Variants in COL1A2 observed in about 807,000 individuals in gnomAD.
The protein encoded by COL1A2 is collagen type I alpha 2 chain, also known as collagen alpha-2(I) chain.
In COL1A2, 49 loss-of-function variants were observed where a neutral mutation model predicts 174.3. That is an observed-to-expected ratio of 0.28 (90% CI 0.22 to 0.36). The LOEUF is 0.36. Ranked by LOEUF, COL1A2 falls within the 10% of genes least tolerant of loss-of-function variation. COL1A2 has a pLI of 1.00. For synonymous variants in COL1A2, 655 were observed against 606.6 expected (o/e 1.08, Z -1.17); for missense variants, 1,438 against 1,822.7 (o/e 0.79, Z 3.84).
intron 1 of COL1A2, among the ~76,000 whole-genome samples, 160 bp from the exon 2 acceptor site, chr7:94,397,588 A>T (rs1279618418): frequency 1.3e-5 from 2 of 152,132 alleles, no homozygotes; most frequent in East Asian, 3.8e-4. Context: ...TTTGACCTGC[A>T]TAATTTCTAG....
rs1283467283 is a variant in COL1A2 at position 94,406,300 on chromosome 7, G to A, written c.591G>A (p.Val197=). 3.1e-6 allele frequency: 5 copies of A among 1,613,802 alleles called. No homozygotes were observed. The highest frequency in any genetic ancestry group is 8.5e-7 in the Non-Finnish European group (1 of 1,179,826). ...AGGGACAGCCCGGTGCTCCTGGTGTGAAGGTAAATATTAAATTAGAAGCAC... is the reference window on the plus strand; with the variant it reads ...AGGGACAGCCCGGTGCTCCTGGTGTAAAGGTAAATATTAAATTAGAAGCAC... The part of the protein sequence containing the change: ...GLKGQPGAPG[V]KGEPGAPGEN... Residue 197 remains valine (V), a synonymous_variant, in exon 12 of 52, where the codon GTG becomes GTA. Transcript: ENST00000297268.
Position 94,409,841 on chromosome 7 carries a change from G to T in COL1A2, c.1035+20G>T, listed in dbSNP as rs1383210530. 2 of 1,609,764 alleles carry T rather than the reference G, an allele frequency of 1.2e-6. No homozygotes were observed. Among genetic ancestry groups the T allele is most frequent in the South Asian group, 2.2e-5 (2 of 90,948 alleles). On this transcript the variant is annotated intron_variant, in intron 19 of 51. Coordinates refer to ENST00000297268, the MANE Select transcript of COL1A2 (RefSeq NM_000089.4). The stretch of plus-strand genomic sequence containing the variant: ...CTTGTTGTAAGTGGTCATGACTGTG[G>T]TTCTCATCATCCTGAAATACCACCT...
rs759564451 is a variant in COL1A2 at position 94,412,695 on chromosome 7, A to G, written c.1503+13A>G. The G allele has an allele frequency of 9.9e-6, 16 of 1,609,216 alleles. 1 individual carries two copies. The Admixed American group carries it at 2.2e-4, about 22-fold the overall frequency. On this transcript the variant is annotated intron_variant, in intron 25 of 51. Coordinates refer to ENST00000297268, the MANE Select transcript of COL1A2 (RefSeq NM_000089.4). ...CAAAGGCCCCACTGTAAGAATCACC[A>G]CAACTTTCTTACCCTCAGCACTTTC...
In COL1A2 at chr7:94,408,826, A is replaced by G; in HGVS notation, c.792+3A>G. ...TCCCAGGTGCCCCTGGCCCCAAGGT[A>G]AAAACACTGGTGACCATTGTCACTA... On this transcript the variant is annotated splice_donor_region_variant and intron_variant, in intron 16 of 51. Transcript: ENST00000297268. 6.2e-7 allele frequency: 1 copy of G among 1,613,928 alleles called. No homozygotes were observed. Among genetic ancestry groups the G allele is most frequent in the Non-Finnish European group, 8.5e-7 (1 of 1,179,790 alleles).
chr7:94,400,275 C>T lies in COL1A2; in HGVS notation c.212C>T (p.Pro71Leu). ...GGTCCACCTGGTCCTCCTGGCCCCC[C>T]TGGTCTCGGTGGGGTAAGGTGTCTT... ...PPGPPGPPGP[P>L]GLGGNFAAQY... The change falls in exon 5 of 52, where the codon CCT becomes CTT. Residue 71 changes from proline to leucine, a missense_variant. This residue lies in a region of COL1A2 where 281 missense variants were observed against 310.9 expected (regional missense o/e 0.90). Coordinates refer to ENST00000297268, the MANE Select transcript of COL1A2 (RefSeq NM_000089.4). 1 of 1,613,738 alleles carries T rather than the reference C, an allele frequency of 6.2e-7. No individual in the cohort carries two copies. The highest frequency in any genetic ancestry group is 8.5e-7 in the Non-Finnish European group (1 of 1,179,932).
intron 39 of COL1A2, chr7:94,422,585 A>AAAT (rs1410046980): frequency 2.9e-5 from 6 of 209,292 alleles, no homozygotes; most frequent in Non-Finnish European, 4.8e-5. Flanking sequence ...AAAAAAAAAA[A>AAAT]AAGAAGAAAA....
At chr7:94,408,706 CATTGTT>C in intron 15 of COL1A2, 58 bp from the exon 16 acceptor site, 1 of 1,547,580 alleles carries the variant, frequency 6.5e-7, no homozygotes, top group Non-Finnish European at 8.9e-7. Flanking sequence ...AATCTTCTGC[CATTGTT>C]ATTGTTTTCT....
At chr7:94,395,557 C>T in intron 1 of COL1A2, 1 of 289,350 alleles carries the variant, frequency 3.5e-6, no homozygotes, top group Non-Finnish European at 6.7e-6. Context: ...GAGCTTTTAT[C>T]TTCTGGGCAT....
In COL1A2 at chr7:94,425,180, G is replaced by A. The variant is rs1305819869; in HGVS notation, c.2737G>A (p.Gly913Ser). Reference protein sequence around the residue: ...PGARGPPGAVGSPGVNGAPGE... With the variant: ...PGARGPPGAVSSPGVNGAPGE... ...GGCCCGTGGTCCTCCTGGTGCTGTG[G>A]GTAGTCCTGGAGTCAACGGTGCTCC... Residue 913 changes from glycine to serine, a missense_variant, in exon 42 of 52, where the codon GGT becomes AGT. Physicochemically the swap from Gly to Ser is moderately conservative, Grantham distance 56 (BLOSUM62 0). This residue lies in a region of COL1A2 where 867 missense variants were observed against 1,213.7 expected (regional missense o/e 0.71). Coordinates refer to ENST00000297268, the MANE Select transcript of COL1A2 (RefSeq NM_000089.4). The A allele has an allele frequency of 1.2e-5, 19 of 1,614,162 alleles. No homozygotes were observed. The highest frequency in any genetic ancestry group is 1.7e-5 in the Admixed American group (1 of 60,020).
At chr7:94,425,543 T>G in intron 42 of COL1A2, 67 bp from the exon 43 acceptor site, 1 of 1,511,004 alleles carries the variant, frequency 6.6e-7, no homozygotes. Flanking sequence ...ACAGAGTAGC[T>G]ACAACATAGG....
At chr7:94,425,046 T>G in intron 41 of COL1A2, 71 bp from the exon 42 acceptor site, 4 of 1,300,022 alleles carry the variant, frequency 3.1e-6, no homozygotes, top group Non-Finnish European at 4.5e-6. Flanking sequence ...CTGAGTAGGG[T>G]TGTTTTGGAG....
chr7:94,411,032 T>TA (rs1562901622), intron 22 of COL1A2, 24 bp from the exon 23 acceptor site: 44 of 1,564,748 alleles, frequency 2.8e-5, no homozygotes, highest in Non-Finnish European at 3.3e-5. Flanking sequence ...CTCCTCTATC[T>TA]GTTTTTTTTT....
intron 23 of COL1A2, 58 bp downstream of exon 23, chr7:94,411,212 G>A: frequency 7.6e-7 from 1 of 1,314,792 alleles, no homozygotes. Context: ...TTCTTTAAAG[G>A]GTTGGTTAAT....
chr7:94,428,573 C>T (rs1430509690), intron 50 of COL1A2, 96 bp downstream of exon 50: 2 of 1,242,700 alleles, frequency 1.6e-6, no homozygotes, highest in African/African-American at 1.5e-5. Flanking sequence ...CAAAAATGGG[C>T]TTATTAAAAA....
Position 94,429,220 on chromosome 7 carries a change from G to A in COL1A2, c.3744G>A (p.Lys1248=). The change falls in exon 51 of 52, where the codon AAG becomes AAA. Residue 1248 remains lysine, a synonymous_variant. Coordinates refer to ENST00000297268, the MANE Select transcript of COL1A2 (RefSeq NM_000089.4). ...FEYNVEGVTS[K]EMATQLAFMR... is the part of the protein sequence containing the mutation. ...ATAATGTAGAAGGAGTGACTTCCAA[G>A]GAAATGGCTACCCAACTTGCCTTCA... The A allele has an allele frequency of 1.2e-6, 2 of 1,612,588 alleles. No homozygotes were observed. The highest frequency in any genetic ancestry group is 1.7e-6 in the Non-Finnish European group (2 of 1,179,292).
At position 94,425,752 on chromosome 7, in the gene COL1A2, A is replaced by G; in HGVS notation, c.2838A>G (p.Gly946=). Residue 946 remains glycine (G), a splice_region_variant and synonymous_variant, in exon 44 of 52, where the codon GGA becomes GGG. Coordinates refer to ENST00000297268, the MANE Select transcript of COL1A2 (RefSeq NM_000089.4). ...AAGCTTCATTTTGCCTTTGGTAGGG[A>G]GAGCGCGGTTACCCTGGCAATATTG... ...PGRDGQPGHK[G]ERGYPGNIGP... 1 of 1,613,808 alleles carries G rather than the reference A, an allele frequency of 6.2e-7. No homozygotes were observed. Among genetic ancestry groups the G allele is most frequent in the African/African-American group, 1.3e-5 (1 of 75,030 alleles).
chr7:94,412,688 A>G lies in COL1A2; in HGVS notation c.1503+6A>G. ...CTGGACCCAAAGGCCCCACTGTAAG[A>G]ATCACCACAACTTTCTTACCCTCAG... is the stretch of plus-strand genomic sequence containing the variant. On this transcript the variant is annotated splice_donor_region_variant and intron_variant, in intron 25 of 51. Transcript: ENST00000297268. The G allele has an allele frequency of 6.2e-7, 1 of 1,613,180 alleles. No homozygotes were observed. Among genetic ancestry groups the G allele is most frequent in the Non-Finnish European group, 8.5e-7 (1 of 1,179,192 alleles).
chr7:94,401,763 A>T (rs1441595939), intron 6 of COL1A2, 143 bp downstream of exon 6: 1 of 428,092 alleles, frequency 2.3e-6, no homozygotes, highest in Non-Finnish European at 4.2e-6. Context: ...TTTGTTTTCA[A>T]ATTTATGAAA....
At position 94,412,617 on chromosome 7, in the gene COL1A2, A is replaced by C. The variant is rs778238943; in HGVS notation, c.1438A>C (p.Ile480Leu). 4.3e-6 allele frequency: 7 copies of C among 1,614,114 alleles called. No homozygotes were observed. Among genetic ancestry groups the C allele is most frequent in the Non-Finnish European group, 5.9e-6 (7 of 1,179,996 alleles). ...LPGIDGRPGP[I>L]GPAGARGEPG... is the part of the protein sequence containing the mutation. ...TGGCATCGACGGCAGGCCTGGCCCAATTGGCCCAGCTGGAGCAAGAGGAGA... is the reference window on the plus strand; with the variant it reads ...TGGCATCGACGGCAGGCCTGGCCCACTTGGCCCAGCTGGAGCAAGAGGAGA... The change falls in exon 25 of 52, where the codon ATT becomes CTT. Residue 480 changes from isoleucine (I) to leucine (L), a missense_variant. Around this residue, in one of 3 missense-constraint regions of COL1A2, gnomAD observed 867 missense variants for 1,213.7 expected, o/e 0.71. Coordinates refer to ENST00000297268, the MANE Select transcript of COL1A2 (RefSeq NM_000089.4).
Sources: allele counts gnomAD v4.1 joint callset (sites outside exome capture counted in the v4.1 genomes callset), GRCh38; gene constraint gnomAD v4.1.1; regional missense constraint gnomAD v4.1.1; transcripts MANE v1.5; gene names NCBI Gene and HGNC (gene_info 2026-07-23, HGNC 2026-07-21).